MSH3: variants seen among roughly 807,000 people sequenced by gnomAD.
MSH3 encodes the protein DNA mismatch repair protein Msh3.
A neutral mutation model predicts 123.3 loss-of-function variants in MSH3; 106 were observed. That is an observed-to-expected ratio of 0.86 (90% CI 0.73 to 1.01). The LOEUF (loss-of-function observed/expected upper bound fraction) is 1.01. Among genes scored for constraint, MSH3 ranks in the 50% least tolerant of loss-of-function variants. The pLI is 0.00. For missense variants in MSH3, 1,459 were observed against 1,347.6 expected, an observed-to-expected ratio of 1.08 and a Z score of -1.29; for synonymous variants, 515 against 481.4, an observed-to-expected ratio of 1.07 and a Z score of -0.91.
intron 17 of MSH3, among the ~76,000 whole-genome samples, chr5:80,785,256 C>G (rs1056767752): frequency 6.6e-6 from 1 of 152,150 alleles, no homozygotes; most frequent in African/African-American, 2.4e-5. Flanking sequence ...AAAGGTCGTA[C>G]AGAATATCTG....
At chr5:80,733,654 G>A (rs1561459717) in intron 10 of MSH3, among the ~76,000 whole-genome samples, 1 of 151,628 alleles carries the variant, frequency 6.6e-6, no homozygotes, top group Non-Finnish European at 1.5e-5. Flanking sequence ...CTCAGAAAAT[G>A]GACAAATGAT....
intron 20 of MSH3, among the ~76,000 whole-genome samples, chr5:80,819,542 G>T (rs75493865): frequency 6.7e-6 from 1 of 148,930 alleles, no homozygotes; most frequent in African/African-American, 2.5e-5. Flanking sequence ...GCAATGACAC[G>T]ATCCCAGGAT....
At chr5:80,768,696 C>A in intron 14 of MSH3, 139 bp from the exon 15 acceptor site, 1 of 702,402 alleles carries the variant, frequency 1.4e-6, no homozygotes, top group South Asian at 2.0e-5. Flanking sequence ...AAAAACAAAT[C>A]CATAAGTGCT....
chr5:80,759,584 C>T (rs547863203), intron 12 of MSH3, among the ~76,000 whole-genome samples: 1 of 152,044 alleles, frequency 6.6e-6, no homozygotes, highest in African/African-American at 2.4e-5. Flanking sequence ...TTTTTTAGGA[C>T]AATTAAAGAT....
chr5:80,713,134 C>G (rs1750890334), intron 8 of MSH3, among the ~76,000 whole-genome samples: 1 of 152,126 alleles, frequency 6.6e-6, no homozygotes, highest in Admixed American at 6.5e-5. Flanking sequence ...ATAGATCATG[C>G]AATTGGTAAG....
intron 20 of MSH3, among the ~76,000 whole-genome samples, chr5:80,841,987 A>G (rs1247248349): frequency 2.6e-5 from 4 of 152,178 alleles, no homozygotes; most frequent in Non-Finnish European, 5.9e-5. Context: ...GCCCATGCCT[A>G]TGTCCTGAAT....
chr5:80,679,735 A>G (rs1246899628), intron 8 of MSH3, among the ~76,000 whole-genome samples: 2 of 152,210 alleles, frequency 1.3e-5, no homozygotes, highest in Non-Finnish European at 2.9e-5. Flanking sequence ...ACAACCTCAC[A>G]TGAGAGTCAG....
At chr5:80,758,794 C>T (rs1315278004) in intron 12 of MSH3, among the ~76,000 whole-genome samples, 5 of 151,976 alleles carry the variant, frequency 3.3e-5, no homozygotes, top group South Asian at 4.1e-4. Context: ...CTTTTTTGCT[C>T]GTATCTTTCT....
At chr5:80,724,168 T>C (rs1056673552) in intron 8 of MSH3, among the ~76,000 whole-genome samples, 18 of 152,136 alleles carry the variant, frequency 1.2e-4, no homozygotes, top group African/African-American at 4.3e-4. Context: ...AAGCAACATG[T>C]GACAAAACAT....
intron 20 of MSH3, among the ~76,000 whole-genome samples, chr5:80,830,917 T>G (rs191067156): frequency 8.5e-5 from 13 of 152,222 alleles, no homozygotes; most frequent in African/African-American, 3.1e-4. Flanking sequence ...ATTATAACTT[T>G]TATAAATAAA....
intron 19 of MSH3, among the ~76,000 whole-genome samples, chr5:80,811,193 A>G (rs1745002213): frequency 6.6e-6 from 1 of 152,148 alleles, no homozygotes. Context: ...ATTTTCTGGG[A>G]GCACAATCAT....
intron 12 of MSH3, among the ~76,000 whole-genome samples, chr5:80,749,777 A>G (rs866637810): frequency 3.9e-5 from 6 of 152,100 alleles, no homozygotes; most frequent in Admixed American, 6.6e-5. Context: ...TGCATTAACT[A>G]TAGTCACCGT....
rs931559954 is a variant in MSH3 at position 80,801,535 on chromosome 5, T to C, written c.2655+8691T>C. On this transcript the variant is annotated intron_variant, in intron 19 of 23. Coordinates refer to ENST00000265081, the MANE Select transcript of MSH3 (RefSeq NM_002439.5). ...ACTTCTAAAGCCTTGAAGTTAGTTC[T>C]TCTTTGACATCCTCAAATCCTGGGG... is the stretch of plus-strand genomic sequence containing the variant. Among the ~76,000 whole-genome samples, 29 of 152,368 alleles carry C rather than the reference T, an allele frequency of 1.9e-4. 1 individual carries two copies. Among genetic ancestry groups the C allele is most frequent in the African/African-American group, 6.0e-4 (25 of 41,584 alleles).
intron 19 of MSH3, among the ~76,000 whole-genome samples, chr5:80,812,446 T>C (rs1329484481): frequency 6.6e-6 from 1 of 152,170 alleles, no homozygotes; most frequent in Non-Finnish European, 1.5e-5. Context: ...TGTGGCCTGG[T>C]TCTGTGATTC....
At chr5:80,667,472 G>T (rs1249214300) in intron 3 of MSH3, among the ~76,000 whole-genome samples, 1 of 152,146 alleles carries the variant, frequency 6.6e-6, no homozygotes, top group Non-Finnish European at 1.5e-5. Context: ...GTTTTTACTT[G>T]GGCCTGCTGG....
intron 8 of MSH3, among the ~76,000 whole-genome samples, chr5:80,686,430 G>A (rs780490810): frequency 6.6e-6 from 1 of 151,308 alleles, no homozygotes; most frequent in Non-Finnish European, 1.5e-5. Context: ...AGCCTCCCGA[G>A]TAGCTGGGAT....
chr5:80,859,606 C>CT (rs1745980109), intron 21 of MSH3, among the ~76,000 whole-genome samples: 1 of 151,720 alleles, frequency 6.6e-6, no homozygotes, highest in Admixed American at 6.6e-5. Context: ...CCATTTTTTA[C>CT]TTTTTTCTAT....
chr5:80,814,776 G>A (rs902447710), intron 20 of MSH3, among the ~76,000 whole-genome samples: 3 of 152,132 alleles, frequency 2.0e-5, no homozygotes. Context: ...TCATTTTGTT[G>A]ATATCCCTTT....
chr5:80,686,993 T>C (rs1750106751), intron 8 of MSH3, among the ~76,000 whole-genome samples: 1 of 152,192 alleles, frequency 6.6e-6, no homozygotes, highest in African/African-American at 2.4e-5. Flanking sequence ...ATTTTGTGAA[T>C]TACTGTTTAA....
Sources: allele counts gnomAD v4.1 joint callset (sites outside exome capture counted in the v4.1 genomes callset), GRCh38; gene constraint gnomAD v4.1.1; transcripts MANE v1.5; gene names NCBI Gene and HGNC (gene_info 2026-07-23, HGNC 2026-07-21).